GALNT13: variants seen among roughly 807,000 people sequenced by gnomAD.
The protein encoded by GALNT13 is polypeptide N-acetylgalactosaminyltransferase 13, also known as UDP-GalNAc:polypeptide N-acetylgalactosaminyltransferase 13.
A neutral mutation model predicts 64.2 loss-of-function variants in GALNT13; 28 were observed. That is an observed-to-expected ratio of 0.44 (90% CI 0.32 to 0.60). The LOEUF is 0.60. Ranked by LOEUF, GALNT13 falls within the 20% of genes least tolerant of loss-of-function variation. The pLI, the probability that GALNT13 is intolerant of heterozygous loss-of-function variation, is 0.05. For missense variants in GALNT13, 577 were observed against 669.8 expected, an observed-to-expected ratio of 0.86 and a Z score of 1.53; for synonymous variants, 214 against 224.6, an observed-to-expected ratio of 0.95 and a Z score of 0.42.
chr2:153,781,274 C>T, the GALNT13 span, among the ~76,000 whole-genome samples: 1 of 152,118 alleles, frequency 6.6e-6, no homozygotes, highest in South Asian at 2.1e-4. Context: ...ATGTCAGAAC[C>T]TATAAAATTG....
chr2:153,361,140 G>A, the GALNT13 span, among the ~76,000 whole-genome samples: 1 of 152,022 alleles, frequency 6.6e-6, no homozygotes, highest in Non-Finnish European at 1.5e-5. Context: ...GCAAAAGAGG[G>A]ACCTGACCAT....
the GALNT13 span, among the ~76,000 whole-genome samples, chr2:153,560,204 C>T: frequency 2.3e-4 from 35 of 152,006 alleles, no homozygotes; most frequent in East Asian, 4.5e-3. Context: ...TAATGGTATT[C>T]TTTACTAGTG....
At chr2:154,158,063 T>G (rs1684526018) in intron 4 of GALNT13, among the ~76,000 whole-genome samples, 1 of 152,160 alleles carries the variant, frequency 6.6e-6, no homozygotes, top group African/African-American at 2.4e-5. Flanking sequence ...GGTAATTTCA[T>G]GTAGTGTGTC....
At chr2:153,926,829 T>C (rs937216160) in intron 2 of GALNT13, among the ~76,000 whole-genome samples, 1 of 152,136 alleles carries the variant, frequency 6.6e-6, no homozygotes, top group African/African-American at 2.4e-5. Context: ...CTTATTACTT[T>C]AAAATAAAAC....
At chr2:153,625,571 G>T in the GALNT13 span, among the ~76,000 whole-genome samples, 1 of 152,134 alleles carries the variant, frequency 6.6e-6, no homozygotes, top group Non-Finnish European at 1.5e-5. Flanking sequence ...AAAGTAGGCA[G>T]TGATATTTTA....
chr2:153,965,576 T>C (rs1693274112), intron 3 of GALNT13, among the ~76,000 whole-genome samples: 1 of 152,140 alleles, frequency 6.6e-6, no homozygotes, highest in Non-Finnish European at 1.5e-5. Flanking sequence ...GTCTTGTTTT[T>C]TGGTTGTTTC....
At chr2:153,500,234 T>A in the GALNT13 span, among the ~76,000 whole-genome samples, 3 of 152,142 alleles carry the variant, frequency 2.0e-5, no homozygotes, top group Non-Finnish European at 4.4e-5. Context: ...GGAGCCATCA[T>A]CCATGGTTCC....
At chr2:153,820,233 ATTAG>A in the GALNT13 span, among the ~76,000 whole-genome samples, 1 of 152,232 alleles carries the variant, frequency 6.6e-6, no homozygotes, top group South Asian at 2.1e-4. Context: ...GAAATATGAA[ATTAG>A]TTAAAGTGCC....
intron 9 of GALNT13, among the ~76,000 whole-genome samples, chr2:154,334,437 A>G (rs888713853): frequency 2.0e-5 from 3 of 152,096 alleles, no homozygotes; most frequent in African/African-American, 7.2e-5. Flanking sequence ...TATTATCAAT[A>G]CTACAGAAAT....
intron 1 of GALNT13, among the ~76,000 whole-genome samples, chr2:153,873,475 A>T (rs1686135453): frequency 1.3e-5 from 2 of 152,208 alleles, no homozygotes; most frequent in African/African-American, 4.8e-5. Context: ...AGCCAGCTGC[A>T]GAAGAACGGA....
the GALNT13 span, among the ~76,000 whole-genome samples, chr2:153,362,311 C>T: frequency 6.6e-6 from 1 of 152,036 alleles, no homozygotes; most frequent in Non-Finnish European, 1.5e-5. Flanking sequence ...TACGAAGAAA[C>T]TGCATCAACT....
At chr2:153,231,190 G>C in the GALNT13 span, among the ~76,000 whole-genome samples, 3 of 152,196 alleles carry the variant, frequency 2.0e-5, no homozygotes, top group Non-Finnish European at 4.4e-5. Flanking sequence ...AATGGTGCCA[G>C]CAGACGCATT....
At chr2:154,193,704 GA>G (rs1445686936) in intron 4 of GALNT13, among the ~76,000 whole-genome samples, 1 of 152,108 alleles carries the variant, frequency 6.6e-6, no homozygotes, top group African/African-American at 2.4e-5. Flanking sequence ...GCTTGAGAGT[GA>G]ATGTCAAAAG....
the GALNT13 span, among the ~76,000 whole-genome samples, chr2:153,149,205 C>T: frequency 2.0e-5 from 3 of 151,866 alleles, no homozygotes; most frequent in Non-Finnish European, 4.4e-5. Context: ...ATCATCACAT[C>T]AGCCCAGCAA....
chr2:154,033,904 A>C (rs903163627), intron 3 of GALNT13, among the ~76,000 whole-genome samples: 1 of 152,074 alleles, frequency 6.6e-6, no homozygotes, highest in Non-Finnish European at 1.5e-5. Flanking sequence ...GTGCCATTGC[A>C]CTCCAGCTCT....
At chr2:153,270,697 A>G in the GALNT13 span, among the ~76,000 whole-genome samples, 4 of 152,120 alleles carry the variant, frequency 2.6e-5, no homozygotes, top group African/African-American at 9.7e-5. Flanking sequence ...TAAGAAATAC[A>G]GAAATTAGCC....
the GALNT13 span, among the ~76,000 whole-genome samples, chr2:153,255,478 T>G: frequency 3.4e-5 from 5 of 148,602 alleles, no homozygotes; most frequent in Admixed American, 3.4e-4. Flanking sequence ...CATTTAAAGT[T>G]AATATTGTTA....
At chr2:153,753,073 C>A in the GALNT13 span, among the ~76,000 whole-genome samples, 1 of 152,086 alleles carries the variant, frequency 6.6e-6, no homozygotes, top group Non-Finnish European at 1.5e-5. Flanking sequence ...CATTTTTTAG[C>A]TCCCGAATTT....
At chr2:153,593,477 A>G in the GALNT13 span, among the ~76,000 whole-genome samples, 1 of 152,138 alleles carries the variant, frequency 6.6e-6, no homozygotes, top group African/African-American at 2.4e-5. Context: ...CCCCAACCTG[A>G]TGGTCCTTCC....
Sources: gnomAD v4.1 joint callset for allele counts (sites outside exome capture counted in the v4.1 genomes callset) on GRCh38, gnomAD v4.1.1 for gene constraint, MANE v1.5 for transcripts, NCBI Gene and HGNC (gene_info 2026-07-23, HGNC 2026-07-21) for gene names.